The following STK24 variants were observed in gnomAD, a reference collection of about 807,000 sequenced individuals.
STK24 encodes the protein serine/threonine kinase 24, also known as serine/threonine-protein kinase 24.
Under a neutral mutation model 55.6 loss-of-function variants are expected in STK24, and 21 were observed. The observed-to-expected ratio is 0.38, with a 90% CI of 0.27 to 0.54. The LOEUF (loss-of-function observed/expected upper bound fraction) is 0.54. Among genes scored for constraint, STK24 ranks in the 20% least tolerant of loss-of-function variants. STK24 has a pLI of 0.79. For synonymous variants in STK24, 200 were observed against 215.2 expected (o/e 0.93, Z 0.62); for missense variants, 383 against 538.4 (o/e 0.71, Z 2.86).
intron 1 of STK24, among the ~76,000 whole-genome samples, chr13:98,532,224 A>G (rs1896598833): frequency 1.3e-5 from 2 of 151,928 alleles, no homozygotes; most frequent in African/African-American, 4.8e-5. Context: ...ACCTTTCTAC[A>G]CCTGGGAAAA....
intron 1 of STK24, among the ~76,000 whole-genome samples, chr13:98,531,504 T>C (rs766463799): frequency 2.0e-5 from 3 of 152,114 alleles, no homozygotes; most frequent in Admixed American, 6.5e-5. Context: ...CAGGACAGCA[T>C]CACACCTTAG....
At chr13:98,574,105 G>A (rs1314339752) in intron 1 of STK24, among the ~76,000 whole-genome samples, 6 of 151,976 alleles carry the variant, frequency 3.9e-5, no homozygotes, top group Admixed American at 6.6e-5. Flanking sequence ...TCCGCCTCCC[G>A]GGTTCAAGTG....
At chr13:98,528,870 C>T (rs1457482075) in intron 1 of STK24, among the ~76,000 whole-genome samples, 1 of 152,178 alleles carries the variant, frequency 6.6e-6, no homozygotes, top group Non-Finnish European at 1.5e-5. Flanking sequence ...ACACCACTAT[C>T]CCTACTGGAG....
At position 98,448,366 on chromosome 13, in the gene STK24, T is replaced by A. The variant is rs72652248; in HGVS notation, c.*4807A>T. On this transcript the variant is annotated 3_prime_UTR_variant, in exon 11 of 11. Transcript: ENST00000539966. The stretch of plus-strand genomic sequence containing the variant: ...AGTGGCTGCTTTCCTGGAAGACGTT[T>A]CCTTTCTTCTGTATTAATGAAGCCT... The A allele has an allele frequency of 1.9e-3, 2,689 of 1,400,516 alleles. 6 individuals carry two copies. The highest frequency in any genetic ancestry group is 2.1e-3 in the Admixed American group (128 of 59,634). The allele number at this position is 1,400,516 out of a possible 1,614,324, so 86.8% of individuals were successfully genotyped here. A position where few individuals can be genotyped will look rare whatever the true frequency, so the allele number is the denominator to read the frequency against.
At chr13:98,564,327 A>G (rs1897510370) in intron 1 of STK24, among the ~76,000 whole-genome samples, 1 of 152,232 alleles carries the variant, frequency 6.6e-6, no homozygotes, top group South Asian at 2.1e-4. Flanking sequence ...ACCTGGAGCT[A>G]AGAGGAGCTG....
intron 1 of STK24, among the ~76,000 whole-genome samples, chr13:98,551,241 T>G (rs1316436498): frequency 6.6e-6 from 1 of 151,532 alleles, no homozygotes; most frequent in East Asian, 1.9e-4. Flanking sequence ...AGCCGAGATC[T>G]TGCCACTGCA....
intron 2 of STK24, among the ~76,000 whole-genome samples, chr13:98,492,437 T>C (rs553223592): frequency 6.6e-6 from 1 of 152,300 alleles, no homozygotes; most frequent in African/African-American, 2.4e-5. Flanking sequence ...GAAATGAGTA[T>C]GTGATGTATG....
At chr13:98,513,833 C>T (rs1304137424) in intron 2 of STK24, among the ~76,000 whole-genome samples, 1 of 152,152 alleles carries the variant, frequency 6.6e-6, no homozygotes, top group Non-Finnish European at 1.5e-5. Flanking sequence ...ATTTCTGAGG[C>T]ATAGGAGAGT....
At chr13:98,526,639 A>C (rs537263483) in intron 1 of STK24, among the ~76,000 whole-genome samples, 37 of 152,332 alleles carry the variant, frequency 2.4e-4, no homozygotes, top group African/African-American at 8.7e-4. Flanking sequence ...AAGTTTATTT[A>C]ACTGTCTTCT....
At position 98,475,265 on chromosome 13, in the gene STK24, G is replaced by A; in HGVS notation, c.424C>T (p.His142Tyr). Residue 142 changes from histidine (H) to tyrosine (Y), a missense_variant, in exon 4 of 11, where the codon CAC (histidine) becomes TAC (tyrosine). Physicochemically the swap from His to Tyr is moderately conservative, Grantham distance 83. Coordinates refer to ENST00000539966, the MANE Select transcript of STK24 (RefSeq NM_001032296.4). ...GTCCTCTTACCTTTAATGTCTCTGT[G>A]GATTTTCTTCTCCGAATGGAGATAA... ...LDYLHSEKKIHRDIKAANVLL... is the reference protein window; with the variant it reads ...LDYLHSEKKIYRDIKAANVLL... 1 of 1,610,408 alleles carries A rather than the reference G, an allele frequency of 6.2e-7. No individual in the cohort carries two copies. Among genetic ancestry groups the A allele is most frequent in the Non-Finnish European group, 8.5e-7 (1 of 1,177,854 alleles).
At chr13:98,576,507 G>A (rs1897897371) in intron 1 of STK24, among the ~76,000 whole-genome samples, 1 of 152,090 alleles carries the variant, frequency 6.6e-6, no homozygotes, top group African/African-American at 2.4e-5. Context: ...CCCCACATCC[G>A]GACCCAGGCC....
At chr13:98,542,022 C>A (rs933611714) in intron 1 of STK24, among the ~76,000 whole-genome samples, 3 of 152,210 alleles carry the variant, frequency 2.0e-5, no homozygotes, top group African/African-American at 4.8e-5. Context: ...TGAGTCAAAG[C>A]TCGTTCCATC....
intron 7 of STK24, among the ~76,000 whole-genome samples, chr13:98,463,179 C>A (rs976585665): frequency 1.3e-5 from 2 of 152,128 alleles, no homozygotes; most frequent in Admixed American, 1.3e-4. Context: ...CCGACCACCT[C>A]CCCCAGCCCT....
At chr13:98,563,357 T>G (rs771209607) in intron 1 of STK24, among the ~76,000 whole-genome samples, 1 of 152,252 alleles carries the variant, frequency 6.6e-6, no homozygotes, top group African/African-American at 2.4e-5. Context: ...GCAAGTAGTT[T>G]CACTTCACAG....
intron 1 of STK24, among the ~76,000 whole-genome samples, chr13:98,536,385 G>A (rs1324685072): frequency 6.6e-6 from 1 of 150,976 alleles, no homozygotes; most frequent in Non-Finnish European, 1.5e-5. Context: ...TCTTCCAAGA[G>A]AAGGGATCTC....
rs1274070738 is a variant in STK24, at chr13:98,474,390, G to A, written c.597+431C>T. 4.6e-5 allele frequency among the ~76,000 whole-genome samples: 7 copies of A among 152,126 alleles called. No homozygotes were observed. In the East Asian group the frequency reaches 9.7e-4, roughly 21 times the overall value. ...TCCGTGGACTCCCTTTCTCTTGTGG[G>A]AGCCCCTTTCTCTACAGGCCCCTTC... On this transcript the variant is annotated intron_variant, in intron 5 of 10. Coordinates refer to ENST00000539966, the MANE Select transcript of STK24 (RefSeq NM_001032296.4).
At chr13:98,542,240 G>T (rs1244273213) in intron 1 of STK24, among the ~76,000 whole-genome samples, 1 of 152,184 alleles carries the variant, frequency 6.6e-6, no homozygotes, top group African/African-American at 2.4e-5. Flanking sequence ...TTAAAGCATT[G>T]TAAATGGGAC....
intron 5 of STK24, among the ~76,000 whole-genome samples, chr13:98,468,400 G>C (rs1893998627): frequency 6.6e-6 from 1 of 152,226 alleles, no homozygotes; most frequent in Non-Finnish European, 1.5e-5. Context: ...AAATGCAACT[G>C]ATCCCAGTCT....
chr13:98,477,674 C>CAAAA (rs34403507), intron 3 of STK24, among the ~76,000 whole-genome samples: 1 of 91,896 alleles, frequency 1.1e-5, no homozygotes, highest in African/African-American at 4.0e-5. Context: ...GATTCCGTCT[C>CAAAA]AAAAAAAAAA....
Sources: allele counts gnomAD v4.1 joint callset (sites outside exome capture counted in the v4.1 genomes callset), GRCh38; gene constraint gnomAD v4.1.1; transcripts MANE v1.5; gene names NCBI Gene and HGNC (gene_info 2026-07-23, HGNC 2026-07-21).